ZNF169: variants seen among roughly 807,000 people sequenced by gnomAD.
ZNF169 encodes the protein zinc finger protein 169.
Under a neutral mutation model 12.0 loss-of-function variants are expected in ZNF169, and 11 were observed. That is an observed-to-expected ratio of 0.92 (90% CI 0.58 to 1.52). The LOEUF (loss-of-function observed/expected upper bound fraction) is 1.52. Among genes scored for constraint, ZNF169 ranks in the 40% most tolerant of loss-of-function variants. The pLI is 0.00. For synonymous variants in ZNF169, 302 were observed against 286.5 expected (o/e 1.05, Z -0.55); for missense variants, 722 against 744.0 (o/e 0.97, Z 0.34).
intron 2 of ZNF169, among the ~76,000 whole-genome samples, chr9:94,281,110 G>C (rs1830623029): frequency 6.6e-6 from 1 of 152,122 alleles, no homozygotes. Flanking sequence ...CATCTAAGAG[G>C]CTTAGCATTT....
chr9:94,284,808 G>C (rs34750754), intron 2 of ZNF169, among the ~76,000 whole-genome samples: 11,511 of 152,064 alleles, frequency 0.076, 602 homozygotes, highest in Middle Eastern at 0.13. Context: ...TAAGATGGCA[G>C]TACTACCCAA....
Position 94,272,880 on chromosome 9 carries a change from C to CTGTTT in ZNF169, c.-55-5854_-55-5850dup, listed in dbSNP as rs534061540. On this transcript the variant is annotated intron_variant, in intron 1 of 4. Transcript: ENST00000395395. ...TTACATCCTTGTTAACACTTATTTT[C>CTGTTT]TGTTTTGTTTTGTTTTGTTTTGTTT... is the stretch of plus-strand genomic sequence containing the variant. Among the ~76,000 whole-genome samples the CTGTTT allele has an allele frequency of 8.8e-4, 134 of 152,022 alleles. 2 individuals carry two copies. Among genetic ancestry groups the CTGTTT allele is most frequent in the Middle Eastern group, 3.4e-3 (1 of 294 alleles).
At chr9:94,292,030 C>T (rs1252353141) in intron 2 of ZNF169, among the ~76,000 whole-genome samples, 3 of 152,212 alleles carry the variant, frequency 2.0e-5, no homozygotes, top group Non-Finnish European at 4.4e-5. Flanking sequence ...GCTAAATCAA[C>T]TTTCAACATG....
intron 2 of ZNF169, among the ~76,000 whole-genome samples, chr9:94,282,296 T>G (rs1353666632): frequency 6.6e-6 from 1 of 152,140 alleles, no homozygotes; most frequent in African/African-American, 2.4e-5. Context: ...GATGTGCCCA[T>G]GGCAGCCTCA....
rs769227525 is a variant in ZNF169, at chr9:94,301,583, A to C, written c.*213A>C. The C allele has an allele frequency of 4.7e-6, 4 of 843,560 alleles. No individual in the cohort carries two copies. The African/African-American group carries it at 5.1e-5, about 11-fold the overall frequency. 52.3% of individuals were successfully genotyped at this position (843,560 alleles called of 1,614,324 possible). A position where few individuals can be genotyped will look rare whatever the true frequency, so the allele number is the denominator to read the frequency against. Reference sequence around the variant, plus strand: ...GCTGGGTGATTTTGACAACGGAAATATATTTTCATATTTATGGAGGCTGGA... The same window carrying C: ...GCTGGGTGATTTTGACAACGGAAATCTATTTTCATATTTATGGAGGCTGGA... On this transcript the variant is annotated 3_prime_UTR_variant, in exon 5 of 5. Coordinates refer to ENST00000395395, the MANE Select transcript of ZNF169 (RefSeq NM_194320.4).
At chr9:94,259,809 C>T (rs1043914287) in intron 1 of ZNF169, among the ~76,000 whole-genome samples, 49 of 152,218 alleles carry the variant, frequency 3.2e-4, no homozygotes, top group African/African-American at 1.1e-3. Context: ...GACATGATAT[C>T]CTCGGTTGGA....
intron 1 of ZNF169, 141 bp downstream of exon 1, chr9:94,259,486 G>A (rs1346781538): frequency 6.6e-6 from 1 of 152,636 alleles, no homozygotes; most frequent in Non-Finnish European, 1.5e-5. Context: ...TTTGAGTTTC[G>A]GCTGTGGGGT....
chr9:94,287,003 G>GC (rs2118625135), intron 2 of ZNF169, among the ~76,000 whole-genome samples: 1 of 152,256 alleles, frequency 6.6e-6, no homozygotes, highest in South Asian at 2.1e-4. Context: ...CAAGCAATGA[G>GC]CCTCTCATCA....
At chr9:94,297,700 A>G (rs559857656) in intron 4 of ZNF169, among the ~76,000 whole-genome samples, 2 of 152,380 alleles carry the variant, frequency 1.3e-5, no homozygotes, top group East Asian at 3.8e-4. Flanking sequence ...AGAATAACAT[A>G]TAAATCAGTA....
chr9:94,288,642 T>A, intron 2 of ZNF169: 1 of 377,124 alleles, frequency 2.7e-6, no homozygotes. Flanking sequence ...TTTGTGATCC[T>A]GAGTTCTCAC....
intron 2 of ZNF169, among the ~76,000 whole-genome samples, chr9:94,283,028 G>A (rs888537936): frequency 9.2e-5 from 14 of 152,086 alleles, no homozygotes; most frequent in South Asian, 2.1e-4. Context: ...ACTGATCTGC[G>A]TTTTTGTCCT....
rs750606151 is a variant in ZNF169 at position 94,300,088 on chromosome 9, A to G, written c.530A>G (p.Glu177Gly). Residue 177 changes from glutamate to glycine, a missense_variant, in exon 5 of 5, where the codon GAA (glutamate) becomes GGA (glycine). Coordinates refer to ENST00000395395, the MANE Select transcript of ZNF169 (RefSeq NM_194320.4). ...CAAGGTGACCCAGTAGAATGGGTAG[A>G]AGGGAACAGAGAAGGAGGAACAGAC... is the stretch of plus-strand genomic sequence containing the variant. ...PHQGDPVEWV[E>G]GNREGGTDLR... 1 of 1,614,182 alleles carries G rather than the reference A, an allele frequency of 6.2e-7. No individual in the cohort carries two copies. Among genetic ancestry groups the G allele is most frequent in the East Asian group, 2.2e-5 (1 of 44,876 alleles).
At chr9:94,269,661 A>G (rs771888843) in intron 1 of ZNF169, among the ~76,000 whole-genome samples, 2 of 152,064 alleles carry the variant, frequency 1.3e-5, no homozygotes, top group Non-Finnish European at 2.9e-5. Context: ...TAAACTGGGG[A>G]GGAAGAGAGT....
At chr9:94,265,002 A>G (rs1449505651) in intron 1 of ZNF169, among the ~76,000 whole-genome samples, 2 of 94,534 alleles carry the variant, frequency 2.1e-5, no homozygotes, top group African/African-American at 8.0e-5. Flanking sequence ...AGGCTGATGT[A>G]TATCTCTTTC....
intron 1 of ZNF169, among the ~76,000 whole-genome samples, chr9:94,272,818 TAC>T (rs1226804082): frequency 2.0e-5 from 3 of 152,192 alleles, no homozygotes; most frequent in Admixed American, 6.5e-5. Context: ...TACACCATTT[TAC>T]AGTCCCACTA....
Position 94,272,120 on chromosome 9 carries a change from T to A in ZNF169, c.-55-6638T>A, listed in dbSNP as rs149818367. On this transcript the variant is annotated intron_variant, in intron 1 of 4. Coordinates refer to ENST00000395395, the MANE Select transcript of ZNF169 (RefSeq NM_194320.4). Reference sequence around the variant, plus strand: ...CTGTCGTTTTTATTTTTAATAAGAATCTCTTATTGTCCTTTTAATGTATGT... The same window carrying A: ...CTGTCGTTTTTATTTTTAATAAGAAACTCTTATTGTCCTTTTAATGTATGT... Among the ~76,000 whole-genome samples, 431 of 152,004 alleles carry A rather than the reference T, an allele frequency of 2.8e-3. 3 individuals are homozygous for A. Among genetic ancestry groups the A allele is most frequent in the African/African-American group, 9.9e-3 (413 of 41,510 alleles).
At chr9:94,274,085 T>A (rs1359184098) in intron 1 of ZNF169, among the ~76,000 whole-genome samples, 1 of 152,180 alleles carries the variant, frequency 6.6e-6, no homozygotes, top group African/African-American at 2.4e-5. Context: ...GCTGGTCATC[T>A]CCTCCCTGTG....
chr9:94,275,819 T>A (rs1830507933), intron 1 of ZNF169, among the ~76,000 whole-genome samples: 1 of 150,744 alleles, frequency 6.6e-6, no homozygotes, highest in East Asian at 1.9e-4. Flanking sequence ...AGTCTCACTG[T>A]CACCCAGGCT....
chr9:94,299,183 A>G (rs1324609365), intron 4 of ZNF169, among the ~76,000 whole-genome samples: 1 of 152,254 alleles, frequency 6.6e-6, no homozygotes, highest in Non-Finnish European at 1.5e-5. Context: ...GGAGGGCAGC[A>G]TCAGGGATTC....
Sources: allele counts gnomAD v4.1 joint callset (sites outside exome capture counted in the v4.1 genomes callset), GRCh38; gene constraint gnomAD v4.1.1; transcripts MANE v1.5; gene names NCBI Gene and HGNC (gene_info 2026-07-23, HGNC 2026-07-21).